The following MOB3B variants were observed in gnomAD, a reference collection of about 807,000 sequenced individuals.
The protein encoded by MOB3B is MOB kinase activator-like 2B.
Under a neutral mutation model 18.7 loss-of-function variants are expected in MOB3B, and 7 were observed. That is an observed-to-expected ratio of 0.37 (90% CI 0.21 to 0.70). MOB3B has a LOEUF of 0.70. Among genes scored for constraint, MOB3B ranks in the 30% least tolerant of loss-of-function variants. The probability of loss-of-function intolerance (pLI) is 0.52; values close to 1 mark genes in which losing one functional copy is unlikely to be tolerated. For synonymous variants in MOB3B, 111 were observed against 99.9 expected, an observed-to-expected ratio of 1.11 and a Z score of -0.66; for missense variants, 253 against 281.3, an observed-to-expected ratio of 0.90 and a Z score of 0.72.
chr9:27,458,612 G>A (rs1253080144), intron 1 of MOB3B, among the ~76,000 whole-genome samples: 2 of 134,174 alleles, frequency 1.5e-5, no homozygotes, highest in African/African-American at 5.4e-5. Flanking sequence ...GTGGTGTGGT[G>A]TGATCATGGC....
chr9:27,472,635 G>A (rs189683422), intron 1 of MOB3B, among the ~76,000 whole-genome samples: 1 of 139,618 alleles, frequency 7.2e-6, no homozygotes, highest in African/African-American at 2.7e-5. Flanking sequence ...ACAGGTATCT[G>A]GTAAAAGCTC....
intron 1 of MOB3B, among the ~76,000 whole-genome samples, chr9:27,514,627 A>C (rs929177702): frequency 3.9e-5 from 6 of 152,190 alleles, no homozygotes; most frequent in Middle Eastern, 3.2e-3. Flanking sequence ...GGGCTCTTTA[A>C]ATGTCAGGGC....
At chr9:27,525,078 G>A in intron 1 of MOB3B, 2 of 867,120 alleles carry the variant, frequency 2.3e-6, no homozygotes, top group Non-Finnish European at 3.4e-6. Flanking sequence ...AGTTGGACTG[G>A]TAGCCTCGGA....
At chr9:27,448,999 A>G (rs1197178884) in intron 2 of MOB3B, among the ~76,000 whole-genome samples, 1 of 152,038 alleles carries the variant, frequency 6.6e-6, no homozygotes, top group Non-Finnish European at 1.5e-5. Flanking sequence ...ACCCATTCCT[A>G]CCCTCTGCTG....
chr9:27,382,080 T>C (rs1311487051), intron 2 of MOB3B, among the ~76,000 whole-genome samples: 1 of 152,182 alleles, frequency 6.6e-6, no homozygotes, highest in African/African-American at 2.4e-5. Flanking sequence ...TTTGAGCACA[T>C]TATTTCGTCT....
chr9:27,343,509 C>T (rs1176413838), intron 3 of MOB3B, among the ~76,000 whole-genome samples: 1 of 143,266 alleles, frequency 7.0e-6, no homozygotes, highest in Admixed American at 6.9e-5. Context: ...AAGAACTAAA[C>T]CTCTTTGGCT....
chr9:27,448,318 T>C (rs1822725780), intron 2 of MOB3B, among the ~76,000 whole-genome samples: 1 of 152,124 alleles, frequency 6.6e-6, no homozygotes, highest in South Asian at 2.1e-4. Flanking sequence ...ATAATGCAGG[T>C]GTATTAGTCT....
chr9:27,454,713 C>T (rs1822842509), intron 2 of MOB3B, among the ~76,000 whole-genome samples: 1 of 152,152 alleles, frequency 6.6e-6, no homozygotes, highest in South Asian at 2.1e-4. Flanking sequence ...TGTTTGATCC[C>T]CAAACAAATC....
At chr9:27,487,177 T>C (rs188644232) in intron 1 of MOB3B, among the ~76,000 whole-genome samples, 1 of 82,966 alleles carries the variant, frequency 1.2e-5, no homozygotes, top group Non-Finnish European at 2.7e-5. Flanking sequence ...ATTCTTAGCG[T>C]TGGGAGGCAA....
At chr9:27,368,036 A>T (rs1253144049) in intron 2 of MOB3B, among the ~76,000 whole-genome samples, 1 of 152,172 alleles carries the variant, frequency 6.6e-6, no homozygotes, top group Non-Finnish European at 1.5e-5. Context: ...TCTACAAGTC[A>T]TAAAAACCAC....
intron 1 of MOB3B, among the ~76,000 whole-genome samples, chr9:27,475,910 G>A (rs760855256): frequency 6.6e-6 from 1 of 152,080 alleles, no homozygotes; most frequent in African/African-American, 2.4e-5. Flanking sequence ...TCTGCTCCTC[G>A]GCAAACTATT....
rs528634639 is a variant in MOB3B at position 27,354,764 on chromosome 9, A to G, written c.621+4270T>C. Among the ~76,000 whole-genome samples the G allele has an allele frequency of 6.9e-4, 105 of 152,294 alleles. 1 individual carries two copies. The highest frequency in any genetic ancestry group is 3.4e-3 in the Middle Eastern group (1 of 294). ...ATTCCCAGCCCTCAAAGAGTTGACA[A>G]TCCCATGGGAGTGACTGATACAAAT... is the stretch of plus-strand genomic sequence containing the variant. On this transcript the variant is annotated intron_variant, in intron 3 of 3. Coordinates refer to ENST00000262244, the MANE Select transcript of MOB3B (RefSeq NM_024761.5).
At chr9:27,370,582 T>A (rs2131366605) in intron 2 of MOB3B, among the ~76,000 whole-genome samples, 1 of 151,986 alleles carries the variant, frequency 6.6e-6, no homozygotes, top group South Asian at 2.1e-4. Flanking sequence ...CTGCCATCTG[T>A]GAAACAGGAA....
At chr9:27,450,109 A>C (rs1328497332) in intron 2 of MOB3B, among the ~76,000 whole-genome samples, 1 of 152,182 alleles carries the variant, frequency 6.6e-6, no homozygotes, top group Non-Finnish European at 1.5e-5. Flanking sequence ...CCCTTGCCAC[A>C]GCATGTGAGG....
chr9:27,399,232 C>T (rs1587182044), intron 2 of MOB3B, among the ~76,000 whole-genome samples: 1 of 152,150 alleles, frequency 6.6e-6, no homozygotes, highest in Admixed American at 6.5e-5. Flanking sequence ...GAGGCAGGTG[C>T]CTTATCCCAC....
intron 1 of MOB3B, among the ~76,000 whole-genome samples, chr9:27,458,738 T>C (rs577500101): frequency 6.6e-6 from 1 of 151,864 alleles, no homozygotes; most frequent in Admixed American, 6.5e-5. Flanking sequence ...TTGTATTTTG[T>C]AGAGACATGG....
intron 1 of MOB3B, among the ~76,000 whole-genome samples, chr9:27,478,762 C>T (rs895022776): frequency 6.7e-6 from 1 of 150,152 alleles, no homozygotes; most frequent in African/African-American, 2.5e-5. Context: ...TAAAGCAATA[C>T]ATATGTTCTT....
intron 3 of MOB3B, among the ~76,000 whole-genome samples, chr9:27,331,872 G>A (rs140643412): frequency 1.3e-5 from 2 of 152,182 alleles, no homozygotes; most frequent in Non-Finnish European, 2.9e-5. Flanking sequence ...TCAGAGAAGC[G>A]TTCTATTCGA....
chr9:27,371,066 T>C (rs576646951), intron 2 of MOB3B, among the ~76,000 whole-genome samples: 5 of 152,350 alleles, frequency 3.3e-5, no homozygotes, highest in Admixed American at 6.5e-5. Context: ...CGAATTGTAT[T>C]GTACATTTGC....
Sources: gnomAD v4.1 joint callset for allele counts (sites outside exome capture counted in the v4.1 genomes callset) on GRCh38, gnomAD v4.1.1 for gene constraint, MANE v1.5 for transcripts, NCBI Gene and HGNC (gene_info 2026-07-23, HGNC 2026-07-21) for gene names.